The following KMT2C variants were observed in gnomAD, a reference collection of about 807,000 sequenced individuals.
KMT2C encodes histone-lysine N-methyltransferase 2C.
Under a neutral mutation model 507.9 loss-of-function variants are expected in KMT2C, and 88 were observed. The observed-to-expected ratio is 0.17, with a 90% CI of 0.15 to 0.21. KMT2C has a LOEUF of 0.21. Among genes scored for constraint, KMT2C ranks in the 10% least tolerant of loss-of-function variants. The pLI is 1.00. For synonymous variants in KMT2C, 2,049 were observed against 2,080.8 expected, an observed-to-expected ratio of 0.98 and a Z score of 0.42; for missense variants, 4,954 against 5,957.8, an observed-to-expected ratio of 0.83 and a Z score of 5.55.
intron 37 of KMT2C, 35 bp downstream of exon 37, chr7:152,179,799 G>C (rs888526514): frequency 1.3e-6 from 2 of 1,589,250 alleles, no homozygotes; most frequent in African/African-American, 2.7e-5. Context: ...TCTTCTAATA[G>C]CAATTTAAAT....
chr7:152,427,845 G>T (rs1469777746), intron 1 of KMT2C, among the ~76,000 whole-genome samples: 1 of 152,016 alleles, frequency 6.6e-6, no homozygotes, highest in Non-Finnish European at 1.5e-5. Flanking sequence ...AATCTATTTG[G>T]ATGCCTGCTA....
At chr7:152,426,540 T>C (rs1357061135) in intron 1 of KMT2C, among the ~76,000 whole-genome samples, 2 of 152,110 alleles carry the variant, frequency 1.3e-5, no homozygotes, top group African/African-American at 2.4e-5. Flanking sequence ...CCCAGCCTTA[T>C]ATCATGGCAT....
chr7:152,426,318 G>A (rs1235568713), intron 1 of KMT2C, among the ~76,000 whole-genome samples: 1 of 146,236 alleles, frequency 6.8e-6, no homozygotes, highest in Non-Finnish European at 1.5e-5. Flanking sequence ...GCTCACTGTA[G>A]CCTCCAACTC....
At chr7:152,249,781 A>G (rs538944153) in intron 13 of KMT2C, 95 bp downstream of exon 13, 18 of 518,172 alleles carry the variant, frequency 3.5e-5, no homozygotes, top group African/African-American at 1.4e-4. Flanking sequence ...TAGTTACCGT[A>G]ATGTATATAC....
intron 9 of KMT2C, among the ~76,000 whole-genome samples, chr7:152,255,134 T>C (rs1463382442): frequency 1.2e-4 from 15 of 124,480 alleles, no homozygotes; most frequent in African/African-American, 4.6e-4. Context: ...TATATATATA[T>C]ATATATATAT....
intron 16 of KMT2C, among the ~76,000 whole-genome samples, chr7:152,233,483 G>A (rs1389087245): frequency 2.0e-5 from 3 of 152,026 alleles, no homozygotes; most frequent in Non-Finnish European, 1.5e-5. Flanking sequence ...TAAACTCAAA[G>A]TGAGAAGATA....
chr7:152,293,366 A>G (rs957154519), intron 6 of KMT2C, among the ~76,000 whole-genome samples: 9 of 152,224 alleles, frequency 5.9e-5, no homozygotes, highest in Non-Finnish European at 1.2e-4. Flanking sequence ...TTTTTGAAGT[A>G]TATTTTCAAA....
At position 152,162,913 on chromosome 7, in the gene KMT2C, G is replaced by A. The variant is rs781072944; in HGVS notation, c.10664C>T (p.Pro3555Leu). The A allele has an allele frequency of 1.2e-6, 2 of 1,614,178 alleles. No individual in the cohort carries two copies. The highest frequency in any genetic ancestry group is 8.5e-7 in the Non-Finnish European group (1 of 1,180,030). ...TACTGGAGGTGCTGCTGGTAAAGCA[G>A]GTGTAAAAGAAGGCCTCACTGGGGA... The part of the protein sequence containing the change: ...QQSPVRPSFT[P>L]ALPAAPPVAN... The change falls in exon 43 of 59, where the codon CCT becomes CTT. Residue 3555 changes from proline (P) to leucine (L), a missense_variant. Pro to Leu is a moderately conservative substitution (Grantham distance 98, BLOSUM62 -3). Transcript: ENST00000262189.
At chr7:152,175,585 G>T (rs1163291962) in intron 38 of KMT2C, among the ~76,000 whole-genome samples, 1 of 150,940 alleles carries the variant, frequency 6.6e-6, no homozygotes, top group Non-Finnish European at 1.5e-5. Flanking sequence ...TTCTGTTCCT[G>T]CATTAGTTTG....
At chr7:152,255,108 CTTATATATATATATAT>C (rs1419474578) in intron 9 of KMT2C, among the ~76,000 whole-genome samples, 6 of 60,678 alleles carry the variant, frequency 9.9e-5, no homozygotes, top group Admixed American at 1.8e-4. Context: ...TCAACTCTCA[CTTATATATATATATAT>C]ATATATATAT....
intron 6 of KMT2C, among the ~76,000 whole-genome samples, chr7:152,293,098 C>T (rs1179001073): frequency 2.0e-5 from 3 of 151,504 alleles, no homozygotes; most frequent in Non-Finnish European, 3.0e-5. Flanking sequence ...GTAACAATGA[C>T]ATCATGATAT....
intron 3 of KMT2C, among the ~76,000 whole-genome samples, chr7:152,327,907 A>G (rs1044586619): frequency 4.0e-5 from 6 of 150,816 alleles, no homozygotes; most frequent in African/African-American, 4.9e-5. Context: ...GCAGTGAGCC[A>G]AGATCGCGCC....
At chr7:152,320,666 C>A (rs1445583851) in intron 3 of KMT2C, among the ~76,000 whole-genome samples, 1 of 151,954 alleles carries the variant, frequency 6.6e-6, no homozygotes, top group Non-Finnish European at 1.5e-5. Flanking sequence ...TCAGAAAATA[C>A]TATGTCAAAC....
At chr7:152,136,985 CT>C in intron 58 of KMT2C, 61 bp from the exon 59 acceptor site, 3 of 1,213,496 alleles carry the variant, frequency 2.5e-6, no homozygotes, top group Non-Finnish European at 3.6e-6. Flanking sequence ...GCGTTTCTGC[CT>C]CCATCTCCCT....
intron 26 of KMT2C, among the ~76,000 whole-genome samples, 175 bp downstream of exon 26, chr7:152,202,759 A>T (rs2094186635): frequency 6.6e-6 from 1 of 152,200 alleles, no homozygotes; most frequent in African/African-American, 2.4e-5. Flanking sequence ...GCACACAAAA[A>T]AAGTAAATTT....
In KMT2C at chr7:152,349,881, C is replaced by T. The variant is rs542697730; in HGVS notation, c.250+8706G>A. Among the ~76,000 whole-genome samples, 3 of 152,128 alleles carry T rather than the reference C, an allele frequency of 2.0e-5. No individual in the cohort carries two copies. In the East Asian group the frequency reaches 5.8e-4, roughly 29 times the overall value. ...ATACTGAAAAAGGCTATGCACGTGT[C>T]GGGGAAGGGGATTTATGGGAGATTT... On this transcript the variant is annotated intron_variant, in intron 2 of 58. Coordinates refer to ENST00000262189, the MANE Select transcript of KMT2C (RefSeq NM_170606.3).
chr7:152,255,126 T>TATATATATAC (rs1554583779), intron 9 of KMT2C, among the ~76,000 whole-genome samples: 5 of 119,770 alleles, frequency 4.2e-5, no homozygotes, highest in Admixed American at 4.0e-4. Flanking sequence ...TATATATATA[T>TATATATATAC]ATATATATAT....
intron 14 of KMT2C, among the ~76,000 whole-genome samples, chr7:152,239,267 T>C (rs2095340053): frequency 1.3e-5 from 2 of 152,158 alleles, no homozygotes; most frequent in African/African-American, 2.4e-5. Flanking sequence ...TTCTATATTC[T>C]ATAGCTATAA....
At chr7:152,312,458 G>A (rs377643960) in intron 4 of KMT2C, among the ~76,000 whole-genome samples, 1 of 152,188 alleles carries the variant, frequency 6.6e-6, no homozygotes, top group Non-Finnish European at 1.5e-5. Context: ...AACAGAGGCA[G>A]GAGGAATGGA....
Sources: allele counts gnomAD v4.1 joint callset (sites outside exome capture counted in the v4.1 genomes callset), GRCh38; gene constraint gnomAD v4.1.1; transcripts MANE v1.5; gene names NCBI Gene and HGNC (gene_info 2026-07-23, HGNC 2026-07-21).